The following TIAM2 variants were observed in gnomAD, a reference collection of about 807,000 sequenced individuals.
TIAM2 encodes the protein rho guanine nucleotide exchange factor TIAM2.
In TIAM2, 80 loss-of-function variants were observed where a neutral mutation model predicts 152.9. The observed-to-expected ratio is 0.52, with a 90% CI of 0.44 to 0.63. The LOEUF (loss-of-function observed/expected upper bound fraction) is 0.63. TIAM2 is among the 30% of genes least tolerant of loss of function. The pLI is 0.00. For missense variants in TIAM2, 1,965 were observed against 2,120.1 expected (o/e 0.93, Z 1.44); for synonymous variants, 804 against 838.0 (o/e 0.96, Z 0.70).
chr6:155,216,238 G>C (rs1394352655), intron 15 of TIAM2, among the ~76,000 whole-genome samples: 2 of 152,032 alleles, frequency 1.3e-5, no homozygotes, highest in East Asian at 3.9e-4. Flanking sequence ...TCTCTTCTCA[G>C]GGAGAAGATC....
In TIAM2 at chr6:155,245,759, T is replaced by TG; in HGVS notation, c.3652+28_3652+29insG. On this transcript the variant is annotated intron_variant, in intron 19 of 26. Coordinates refer to ENST00000682666, the MANE Select transcript of TIAM2 (RefSeq NM_012454.4). ...AAGTTGCTTATGCCTTTTATAGTTT[T>TG]TTTTTTTTTTTGCATTTTTAACTGT... 2.8e-6 allele frequency: 4 copies of TG among 1,441,464 alleles called. No individual in the cohort carries two copies. The African/African-American group carries it at 4.3e-5, about 16-fold the overall frequency. The allele number at this position is 1,441,464 out of a possible 1,614,324, so 89.3% of individuals were successfully genotyped here.
chr6:155,038,547 C>G (rs1470710115), intron 1 of TIAM2, among the ~76,000 whole-genome samples: 1 of 152,224 alleles, frequency 6.6e-6, no homozygotes, highest in East Asian at 1.9e-4. Context: ...AGTATTGAAA[C>G]TACTAAGACA....
chr6:155,254,826 A>G, intron 26 of TIAM2: 1 of 444,680 alleles, frequency 2.2e-6, no homozygotes, highest in South Asian at 3.0e-5. Context: ...TTCTTCCACT[A>G]AGATGTGCAT....
At chr6:155,138,902 A>G (rs1472175371) in intron 5 of TIAM2, among the ~76,000 whole-genome samples, 1 of 152,088 alleles carries the variant, frequency 6.6e-6, no homozygotes, top group Non-Finnish European at 1.5e-5. Flanking sequence ...TTTTGTTGAC[A>G]TGAGAAAAGT....
intron 14 of TIAM2, among the ~76,000 whole-genome samples, chr6:155,201,673 C>T (rs1781474702): frequency 6.6e-6 from 1 of 152,192 alleles, no homozygotes; most frequent in Non-Finnish European, 1.5e-5. Context: ...AGGAGTATTG[C>T]AGTCAGTGTG....
intron 1 of TIAM2, among the ~76,000 whole-genome samples, chr6:155,076,980 G>T (rs150432940): frequency 3.7e-4 from 57 of 152,330 alleles, no homozygotes; most frequent in African/African-American, 1.3e-3. Context: ...ACAGGCATGA[G>T]CCATAGCACC....
chr6:155,057,086 T>C (rs1777469589), intron 1 of TIAM2, among the ~76,000 whole-genome samples: 2 of 139,692 alleles, frequency 1.4e-5, no homozygotes, highest in Non-Finnish European at 3.0e-5. Flanking sequence ...TGGAGTGCAG[T>C]GGTGCAATCT....
At chr6:155,020,978 G>A (rs1277702293) in intron 1 of TIAM2, among the ~76,000 whole-genome samples, 1 of 152,146 alleles carries the variant, frequency 6.6e-6, no homozygotes, top group African/African-American at 2.4e-5. Flanking sequence ...GAATCATACA[G>A]TATTTGTTCT....
At chr6:155,116,398 CA>C (rs1231734176) in intron 2 of TIAM2, among the ~76,000 whole-genome samples, 1 of 145,700 alleles carries the variant, frequency 6.9e-6, no homozygotes, top group African/African-American at 2.7e-5. Context: ...AAATGACTCT[CA>C]AACAAGGCAA....
At chr6:154,999,166 A>C (rs111822901) in intron 1 of TIAM2, among the ~76,000 whole-genome samples, 111 of 152,100 alleles carry the variant, frequency 7.3e-4, no homozygotes, top group Non-Finnish European at 1.3e-3. Flanking sequence ...GGGCATCTCT[A>C]TTATATATTC....
rs4869848 is a variant in TIAM2, at chr6:155,214,568, A to G, written c.3168+3261A>G. Among the ~76,000 whole-genome samples the G allele has an allele frequency of 0.21, 31,291 of 152,110 alleles. 3,755 individuals carry two copies. The highest frequency in any genetic ancestry group is 0.36 in the East Asian group (1,835 of 5,168). On this transcript the variant is annotated intron_variant, in intron 15 of 26. Coordinates refer to ENST00000682666, the MANE Select transcript of TIAM2 (RefSeq NM_012454.4). This position sits in a 1 kb window ranked among gnomAD's most constrained non-coding sequence, Gnocchi z 5.4. ...TCCCTCTCCTCCTCATTCCTCATGC[A>G]AAGCAAATGCTCAGCTGCCTTCGCT...
chr6:155,051,152 C>A (rs117600488), intron 1 of TIAM2, among the ~76,000 whole-genome samples: 2,741 of 152,152 alleles, frequency 0.018, 49 homozygotes, highest in East Asian at 0.053. Flanking sequence ...TTTGACATGG[C>A]AAGTCTAAGA....
intron 1 of TIAM2, among the ~76,000 whole-genome samples, chr6:155,059,242 T>C (rs1211744597): frequency 6.6e-6 from 1 of 152,074 alleles, no homozygotes; most frequent in African/African-American, 2.4e-5. Flanking sequence ...CTTGACACTT[T>C]TGATGATTAA....
At chr6:155,189,894 G>A (rs1781154751) in intron 14 of TIAM2, among the ~76,000 whole-genome samples, 1 of 152,110 alleles carries the variant, frequency 6.6e-6, no homozygotes, top group Non-Finnish European at 1.5e-5. Context: ...CGCTGCAGTT[G>A]GACAGGCCAT....
At chr6:155,216,673 T>G (rs1256147809) in intron 15 of TIAM2, 1 of 158,468 alleles carries the variant, frequency 6.3e-6, no homozygotes, top group African/African-American at 2.4e-5. Context: ...GAAAGAGTTT[T>G]TGGTTTGTTC....
intron 1 of TIAM2, among the ~76,000 whole-genome samples, chr6:155,049,121 G>T (rs1253350799): frequency 1.3e-5 from 2 of 152,136 alleles, no homozygotes; most frequent in African/African-American, 4.8e-5. Context: ...CTTTGAAAGG[G>T]AGCACGGCCC....
intron 14 of TIAM2, among the ~76,000 whole-genome samples, chr6:155,192,670 A>T (rs1583241192): frequency 6.6e-6 from 1 of 151,626 alleles, no homozygotes; most frequent in South Asian, 2.1e-4. Flanking sequence ...GAGTAGCCTT[A>T]TTTTACATTT....
Position 155,213,335 on chromosome 6 carries a change from C to T in TIAM2, c.3168+2028C>T, listed in dbSNP as rs1781766589. On this transcript the variant is annotated intron_variant, in intron 15 of 26. Transcript: ENST00000682666. The surrounding 1 kb of genome is among the most constrained non-coding windows in gnomAD (Gnocchi z 4.2). ...CAGGCTGGTTGTCCCATAGAGTGTT[C>T]ACCTCTCAGCAGAGAGCAGACCCTG... 6.6e-6 allele frequency among the ~76,000 whole-genome samples: 1 copy of T among 152,128 alleles called. No homozygotes were observed. Among genetic ancestry groups the T allele is most frequent in the South Asian group, 2.1e-4 (1 of 4,824 alleles).
rs1480567791 is a variant in TIAM2 at position 155,156,357 on chromosome 6, C to T, written c.2028+8023C>T. On this transcript the variant is annotated intron_variant, in intron 7 of 26. Coordinates refer to ENST00000682666, the MANE Select transcript of TIAM2 (RefSeq NM_012454.4). This position sits in a 1 kb window ranked among gnomAD's most constrained non-coding sequence, Gnocchi z 4.4. ...ATACAACAGCCAGACTGGGTTGCATCGGAAAAGCACATCTGGGTCAGGTGC... is the reference window on the plus strand; with the variant it reads ...ATACAACAGCCAGACTGGGTTGCATTGGAAAAGCACATCTGGGTCAGGTGC... Among the ~76,000 whole-genome samples the T allele has an allele frequency of 5.3e-5, 8 of 151,996 alleles. No individual in the cohort carries two copies. The highest frequency in any genetic ancestry group is 2.4e-5 in the African/African-American group (1 of 41,380).
Sources: allele counts gnomAD v4.1 joint callset (sites outside exome capture counted in the v4.1 genomes callset), GRCh38; gene constraint gnomAD v4.1.1; non-coding constraint Gnocchi (gnomAD v3.1); transcripts MANE v1.5; gene names NCBI Gene and HGNC (gene_info 2026-07-23, HGNC 2026-07-21).